The following NUMB variants were observed in gnomAD, a reference collection of about 807,000 sequenced individuals.
NUMB encodes the protein NUMB endocytic adaptor protein.
Under a neutral mutation model 59.7 loss-of-function variants are expected in NUMB, and 29 were observed. The ratio of observed to expected loss-of-function variants is 0.49; its 90% CI spans 0.36 to 0.66. NUMB has a LOEUF of 0.66. Among genes scored for constraint, NUMB ranks in the 30% least tolerant of loss-of-function variants. The pLI is 0.00. For synonymous variants in NUMB, 288 were observed against 288.2 expected (o/e 1.00, Z 0.01); for missense variants, 723 against 822.0 (o/e 0.88, Z 1.47).
intron 6 of NUMB, among the ~76,000 whole-genome samples, chr14:73,299,841 C>G (rs895349073): frequency 6.6e-6 from 1 of 152,082 alleles, no homozygotes; most frequent in Non-Finnish European, 1.5e-5. Context: ...GATAAACTAG[C>G]ATGTTATACT....
intron 9 of NUMB, among the ~76,000 whole-genome samples, chr14:73,285,871 A>G (rs1888957942): frequency 6.6e-6 from 1 of 151,794 alleles, no homozygotes; most frequent in Non-Finnish European, 1.5e-5. Context: ...GGCGGCAGTC[A>G]GCGGAGACTG....
At chr14:73,342,298 A>G (rs1892676906) in intron 4 of NUMB, among the ~76,000 whole-genome samples, 5 of 152,214 alleles carry the variant, frequency 3.3e-5, no homozygotes, top group Admixed American at 2.6e-4. Flanking sequence ...CTGCTCAACC[A>G]ACTGTAACCT....
At chr14:73,400,177 G>T (rs1896345964) in intron 2 of NUMB, among the ~76,000 whole-genome samples, 1 of 152,154 alleles carries the variant, frequency 6.6e-6, no homozygotes, top group African/African-American at 2.4e-5. Flanking sequence ...ATCTGAAAAG[G>T]CTACATATAC....
At chr14:73,363,447 C>T (rs114287728) in intron 3 of NUMB, among the ~76,000 whole-genome samples, 2,107 of 152,142 alleles carry the variant, frequency 0.014, 47 homozygotes, top group African/African-American at 0.048. Flanking sequence ...CCCATCACCC[C>T]GAAAAATACC....
At chr14:73,318,617 T>G (rs1220487157) in intron 5 of NUMB, among the ~76,000 whole-genome samples, 1 of 152,206 alleles carries the variant, frequency 6.6e-6, no homozygotes, top group Non-Finnish European at 1.5e-5. Flanking sequence ...ATGACAATAT[T>G]CCTCACCCTG....
chr14:73,437,307 G>C (rs1898100852), intron 1 of NUMB, among the ~76,000 whole-genome samples: 1 of 152,134 alleles, frequency 6.6e-6, no homozygotes, highest in Admixed American at 6.5e-5. Context: ...AAAGTGCTGG[G>C]ATTACAGGCA....
chr14:73,344,797 C>T (rs552510900), intron 4 of NUMB, among the ~76,000 whole-genome samples: 1 of 152,332 alleles, frequency 6.6e-6, no homozygotes, highest in South Asian at 2.1e-4. Flanking sequence ...AGATCCACTT[C>T]AGCATGCCAT....
At chr14:73,279,472 T>A in intron 11 of NUMB, 48 bp from the exon 12 acceptor site, 2 of 1,519,208 alleles carry the variant, frequency 1.3e-6, no homozygotes, top group Non-Finnish European at 1.8e-6. Context: ...ATGCAGGGTG[T>A]ACAAGTGACC....
chr14:73,355,512 G>T, intron 4 of NUMB, 114 bp downstream of exon 4: 1 of 825,706 alleles, frequency 1.2e-6, no homozygotes. Flanking sequence ...AGCAGAATGT[G>T]AAGGGATTTG....
In NUMB at chr14:73,292,716, C is replaced by T; in HGVS notation, c.450+18G>A. On this transcript the variant is annotated intron_variant, in intron 8 of 12. Coordinates refer to ENST00000555238, the MANE Select transcript of NUMB (RefSeq NM_001005743.2). ...AACTGAGAATACTCATCATGAAATA[C>T]ATATTTGCTGGACTCACTGTGTCCT... 6.2e-7 allele frequency: 1 copy of T among 1,613,182 alleles called. No homozygotes were observed. The highest frequency in any genetic ancestry group is 2.2e-5 in the East Asian group (1 of 44,872).
At chr14:73,364,519 T>TA (rs1894244548) in intron 3 of NUMB, among the ~76,000 whole-genome samples, 3 of 151,658 alleles carry the variant, frequency 2.0e-5, no homozygotes, top group South Asian at 2.1e-4. Context: ...AATAAAAATT[T>TA]TAAAAAAATA....
chr14:73,313,528 A>C (rs936539604), intron 6 of NUMB, among the ~76,000 whole-genome samples: 1 of 150,280 alleles, frequency 6.7e-6, no homozygotes, highest in African/African-American at 2.4e-5. Flanking sequence ...AATTATTACT[A>C]AAATTATTTA....
intron 7 of NUMB, among the ~76,000 whole-genome samples, chr14:73,296,063 T>TTTAATTTTAA (rs199734445): frequency 1.3e-5 from 2 of 152,234 alleles, no homozygotes; most frequent in African/African-American, 4.8e-5. Flanking sequence ...AGTCCATCTT[T>TTTAATTTTAA]TTTTAATTTT....
At chr14:73,374,012 G>A (rs1295651935) in intron 2 of NUMB, among the ~76,000 whole-genome samples, 1 of 151,978 alleles carries the variant, frequency 6.6e-6, no homozygotes, top group Non-Finnish European at 1.5e-5. Context: ...GGGATTACAG[G>A]CATGCACCAC....
intron 1 of NUMB, among the ~76,000 whole-genome samples, chr14:73,435,633 A>G (rs192464353): frequency 6.6e-6 from 1 of 152,168 alleles, no homozygotes; most frequent in East Asian, 1.9e-4. Flanking sequence ...TCTGCTAGGC[A>G]TTCACCCAAG....
intron 1 of NUMB, among the ~76,000 whole-genome samples, chr14:73,442,367 C>T (rs1883127752): frequency 6.6e-6 from 1 of 151,430 alleles, no homozygotes; most frequent in African/African-American, 2.4e-5. Flanking sequence ...AGCAAGATCC[C>T]ATCTCAAAAA....
intron 6 of NUMB, among the ~76,000 whole-genome samples, chr14:73,310,738 C>T (rs1182422601): frequency 1.3e-5 from 2 of 149,908 alleles, no homozygotes; most frequent in African/African-American, 5.1e-5. Flanking sequence ...GGTCAAAGCA[C>T]ATAATAAACT....
Position 73,320,132 on chromosome 14 carries a change from G to A in NUMB, c.201+2998C>T, listed in dbSNP as rs113033887. Among the ~76,000 whole-genome samples, 694 of 140,540 alleles carry A rather than the reference G, an allele frequency of 4.9e-3. 4 individuals carry two copies. The highest frequency in any genetic ancestry group is 0.017 in the African/African-American group (672 of 39,804). The allele number at this position is 140,540 out of a possible 152,430, so 92.2% of individuals were successfully genotyped here. On this transcript the variant is annotated intron_variant, in intron 5 of 12. Transcript: ENST00000555238. ...GGGTGACAGAGCAAGACTCCGACTC[G>A]GCGGGGGGGCAAAAAAAGAATGGGG...
chr14:73,361,278 C>T (rs1350370429), intron 3 of NUMB, among the ~76,000 whole-genome samples: 1 of 152,156 alleles, frequency 6.6e-6, no homozygotes, highest in Non-Finnish European at 1.5e-5. Flanking sequence ...ATCTAACTTG[C>T]TAAAGGTAGA....
Sources: gnomAD v4.1 joint callset for allele counts (sites outside exome capture counted in the v4.1 genomes callset) on GRCh38, gnomAD v4.1.1 for gene constraint, MANE v1.5 for transcripts, NCBI Gene and HGNC (gene_info 2026-07-23, HGNC 2026-07-21) for gene names.